PCDHA5: variants seen among roughly 807,000 people sequenced by gnomAD.
The protein encoded by PCDHA5 is protocadherin alpha 5.
PCDHA5 carries 43 observed loss-of-function variants against 61.6 expected under a neutral mutation model. The observed-to-expected ratio is 0.70, with a 90% CI of 0.55 to 0.90. PCDHA5 has a LOEUF of 0.90. Among genes scored for constraint, PCDHA5 ranks in the 40% least tolerant of loss-of-function variants. The probability of loss-of-function intolerance (pLI) is 0.00; values close to 1 mark genes in which losing one functional copy is unlikely to be tolerated. For missense variants in PCDHA5, 1,298 were observed against 1,222.7 expected (o/e 1.06, Z -0.92); for synonymous variants, 627 against 543.9 (o/e 1.15, Z -2.13).
In PCDHA5 at chr5:140,870,432, G is replaced by A. The variant is rs368823990; in HGVS notation, c.2352+46305G>A. On this transcript the variant is annotated intron_variant, in intron 1 of 3. Transcript: ENST00000529859. ...GGGCCACGGCCAGGGTATCCGTGGAGGTGGCCGACGTGAACGACAATGCGC... is the reference window on the plus strand; with the variant it reads ...GGGCCACGGCCAGGGTATCCGTGGAAGTGGCCGACGTGAACGACAATGCGC... 721 of 1,614,252 alleles carry A rather than the reference G, an allele frequency of 4.5e-4. 4 individuals carry two copies. In the African/African-American group the frequency reaches 8.4e-3, roughly 19 times the overall value.
intron 3 of PCDHA5, among the ~76,000 whole-genome samples, chr5:141,003,515 G>C (rs1402480495): frequency 1.3e-5 from 2 of 152,114 alleles, no homozygotes; most frequent in Admixed American, 6.5e-5. Flanking sequence ...GTTTCACCAT[G>C]TTCCCTAGGC....
Position 140,870,665 on chromosome 5 carries a change from C to T in PCDHA5, c.2352+46538C>T, listed in dbSNP as rs782328974. ...AGCGGCAAGGTGTACGCGCTGCAGC[C>T]GTTGGACCACGAGGAGCTGGAGCTG... On this transcript the variant is annotated intron_variant, in intron 1 of 3. Coordinates refer to ENST00000529859, the MANE Select transcript of PCDHA5 (RefSeq NM_018908.3). 1.2e-5 allele frequency: 20 copies of T among 1,612,506 alleles called. No individual in the cohort carries two copies. The South Asian group carries it at 1.4e-4, about 12-fold the overall frequency.
intron 1 of PCDHA5, chr5:140,856,750 C>G (rs1554149043): frequency 6.3e-7 from 1 of 1,596,268 alleles, no homozygotes; most frequent in African/African-American, 1.3e-5. Context: ...TGTTAGATGC[C>G]AATGATAACG....
intron 1 of PCDHA5, chr5:140,834,791 A>G: frequency 6.2e-7 from 1 of 1,613,714 alleles, no homozygotes; most frequent in Non-Finnish European, 8.5e-7. Context: ...TCCCAGCGAC[A>G]CAAAGGAATC....
chr5:140,900,586 AC>A (rs1554189274), intron 1 of PCDHA5, among the ~76,000 whole-genome samples: 1 of 151,926 alleles, frequency 6.6e-6, no homozygotes, highest in African/African-American at 2.4e-5. Flanking sequence ...CATTTTCTTT[AC>A]CCGTTCATCT....
rs1387090858 is a variant in PCDHA5, at chr5:140,923,184, T to C, written c.2353-55765T>C. Reference sequence around the variant, plus strand: ...AGATAAATTTTTGTTCAGATGCATCTACTGCAGCAATTTGGGAGGCTAAGG... The same window carrying C: ...AGATAAATTTTTGTTCAGATGCATCCACTGCAGCAATTTGGGAGGCTAAGG... On this transcript the variant is annotated intron_variant, in intron 1 of 3. Transcript: ENST00000529859. Among the ~76,000 whole-genome samples the C allele has an allele frequency of 3.9e-5, 6 of 152,146 alleles. No homozygotes were observed. In the East Asian group the frequency reaches 1.2e-3, roughly 29 times the overall value.
Position 140,979,011 on chromosome 5 carries a change from T to C in PCDHA5, c.2411+4T>C. On this transcript the variant is annotated splice_donor_region_variant and intron_variant, in intron 2 of 3. Coordinates refer to ENST00000529859, the MANE Select transcript of PCDHA5 (RefSeq NM_018908.3). ...CCCTGAGAGCAGGCATGCACAGGTA[T>C]GTATTTCCCTCCTCATTCACTCAGA... The C allele has an allele frequency of 6.2e-7, 1 of 1,613,950 alleles. No homozygotes were observed. The highest frequency in any genetic ancestry group is 8.5e-7 in the Non-Finnish European group (1 of 1,179,938).
At chr5:140,858,260 G>A (rs782801879) in intron 1 of PCDHA5, 2 of 1,597,208 alleles carry the variant, frequency 1.3e-6, no homozygotes, top group South Asian at 2.2e-5. Context: ...GCCCACGCTG[G>A]TGTGCTCTAG....
At chr5:140,868,806 G>T (rs374832846) in intron 1 of PCDHA5, 1 of 357,072 alleles carries the variant, frequency 2.8e-6, no homozygotes, top group South Asian at 6.9e-5. Flanking sequence ...AAATAAGCAC[G>T]TTGGAAATAT....
intron 1 of PCDHA5, chr5:140,860,712 G>C (rs1200202390): frequency 5.3e-5 from 8 of 152,188 alleles, no homozygotes; most frequent in African/African-American, 1.9e-4. Flanking sequence ...TGTTCTCCAT[G>C]AAAAGTTTTT....
rs373922357 is a variant in PCDHA5, at chr5:140,927,079, G to C, written c.2353-51870G>C. On this transcript the variant is annotated intron_variant, in intron 1 of 3. Coordinates refer to ENST00000529859, the MANE Select transcript of PCDHA5 (RefSeq NM_018908.3). ...CTTTCGCTTCCTTTCCAGCCACCGC[G>C]AGCTCTACTTCGGGGTGGATCTACC... The C allele has an allele frequency of 2.5e-6, 4 of 1,610,870 alleles. No individual in the cohort carries two copies. In the African/African-American group the frequency reaches 5.3e-5, roughly 22 times the overall value.
In PCDHA5 at chr5:140,877,150, G is replaced by T. The variant is rs370292278; in HGVS notation, c.2352+53023G>T. On this transcript the variant is annotated intron_variant, in intron 1 of 3. Coordinates refer to ENST00000529859, the MANE Select transcript of PCDHA5 (RefSeq NM_018908.3). Reference sequence around the variant, plus strand: ...GCAGGTGTTCGTGCTGGACGAGAACGACAACGCGCCGGCACTGCTGGCGAC... The same window carrying T: ...GCAGGTGTTCGTGCTGGACGAGAACTACAACGCGCCGGCACTGCTGGCGAC... 1.7e-5 allele frequency: 27 copies of T among 1,613,672 alleles called. No homozygotes were observed. Among genetic ancestry groups the T allele is most frequent in the Non-Finnish European group, 2.2e-5 (26 of 1,179,864 alleles).
intron 1 of PCDHA5, among the ~76,000 whole-genome samples, chr5:140,893,817 C>G (rs951661016): frequency 6.6e-6 from 1 of 151,980 alleles, no homozygotes; most frequent in Admixed American, 6.6e-5. Flanking sequence ...AGTCTGGTAC[C>G]GTAGACTACT....
rs782769711 is a variant in PCDHA5 at position 140,857,323 on chromosome 5, C to G, written c.2352+33196C>G. 1.0e-5 allele frequency: 16 copies of G among 1,598,498 alleles called. 1 individual carries two copies. Among genetic ancestry groups the G allele is most frequent in the Admixed American group, 1.7e-5 (1 of 59,312 alleles). ...TGTCGGCCTATGAGCTGGTGGTGAC[C>G]GCGCGGGACGGGGGCTCGCCTCCGC... On this transcript the variant is annotated intron_variant, in intron 1 of 3. Coordinates refer to ENST00000529859, the MANE Select transcript of PCDHA5 (RefSeq NM_018908.3).
intron 3 of PCDHA5, among the ~76,000 whole-genome samples, chr5:140,997,463 C>A (rs2097770932): frequency 6.6e-6 from 1 of 152,198 alleles, no homozygotes; most frequent in Admixed American, 6.5e-5. Context: ...ATACTGTAGG[C>A]AATTTTTACA....
Position 140,899,097 on chromosome 5 carries a change from T to C in PCDHA5, c.2352+74970T>C, listed in dbSNP as rs1160754058. Among the ~76,000 whole-genome samples the C allele has an allele frequency of 9.8e-3, 1,481 of 151,828 alleles. 12 individuals carry two copies. The highest frequency in any genetic ancestry group is 0.026 in the African/African-American group (1,065 of 41,212). ...AGCTTAAGGAGATTTTGGGCTGAGATAATGGGGTTTTCTAGATATACAATC... is the reference window on the plus strand; with the variant it reads ...AGCTTAAGGAGATTTTGGGCTGAGACAATGGGGTTTTCTAGATATACAATC... On this transcript the variant is annotated intron_variant, in intron 1 of 3. Transcript: ENST00000529859.
rs782334570 is a variant in PCDHA5, at chr5:140,823,804, G to A, written c.2029G>A (p.Ala677Thr). 20 of 1,613,694 alleles carry A rather than the reference G, an allele frequency of 1.2e-5. No homozygotes were observed. Among genetic ancestry groups the A allele is most frequent in the Non-Finnish European group, 1.6e-5 (19 of 1,179,926 alleles). Residue 677 changes from alanine (A) to threonine (T), a missense_variant, in exon 1 of 4, where the codon GCC becomes ACC. Ala to Thr is a moderately conservative substitution (Grantham distance 58). Transcript: ENST00000529859. ...GGTGGAAAGTGGCCAGGCGCCGAAGGCCTCATCGCGGGCGTCGGCGGGCGC... is the reference window on the plus strand; with the variant it reads ...GGTGGAAAGTGGCCAGGCGCCGAAGACCTCATCGCGGGCGTCGGCGGGCGC... ...SLVESGQAPKASSRASAGAVG... is the reference protein window; with the variant it reads ...SLVESGQAPKTSSRASAGAVG...
intron 1 of PCDHA5, chr5:140,929,584 A>T: frequency 2.3e-6 from 1 of 433,584 alleles, no homozygotes; most frequent in Non-Finnish European, 4.1e-6. Context: ...GTAATATGAC[A>T]TAAAGGTCTA....
At chr5:140,910,619 C>T (rs1554194336) in intron 1 of PCDHA5, among the ~76,000 whole-genome samples, 1 of 152,226 alleles carries the variant, frequency 6.6e-6, no homozygotes, top group Non-Finnish European at 1.5e-5. Context: ...TAATCCACTC[C>T]ACCATCCCAA....
Sources: gnomAD v4.1 joint callset for allele counts (sites outside exome capture counted in the v4.1 genomes callset) on GRCh38, gnomAD v4.1.1 for gene constraint, MANE v1.5 for transcripts, NCBI Gene and HGNC (gene_info 2026-07-23, HGNC 2026-07-21) for gene names.